Variants in SCAPER observed in about 807,000 individuals in gnomAD.
SCAPER encodes the protein S-phase cyclin A associated protein in the ER.
In SCAPER, 98 loss-of-function variants were observed where a neutral mutation model predicts 182.2. That is an observed-to-expected ratio of 0.54 (90% CI 0.46 to 0.64). SCAPER has a LOEUF of 0.64. Among genes scored for constraint, SCAPER ranks in the 30% least tolerant of loss-of-function variants. The pLI, the probability that SCAPER is intolerant of heterozygous loss-of-function variation, is 0.00. For missense variants in SCAPER, 1,432 were observed against 1,690.0 expected (o/e 0.85, Z 2.68); for synonymous variants, 605 against 564.6 (o/e 1.07, Z -1.01).
intron 21 of SCAPER, among the ~76,000 whole-genome samples, chr15:76,642,562 C>T (rs1318945334): frequency 6.6e-6 from 1 of 152,000 alleles, no homozygotes; most frequent in East Asian, 1.9e-4. Flanking sequence ...CACTTCATAC[C>T]TGGATCAGTA....
At chr15:76,763,753 T>A (rs1398982295) in intron 14 of SCAPER, among the ~76,000 whole-genome samples, 1 of 152,208 alleles carries the variant, frequency 6.6e-6, no homozygotes, top group Non-Finnish European at 1.5e-5. Flanking sequence ...TGAAGCTCTC[T>A]ACTGCATTTT....
chr15:76,720,339 T>C (rs1410227031), intron 17 of SCAPER, among the ~76,000 whole-genome samples: 1 of 152,240 alleles, frequency 6.6e-6, no homozygotes, highest in African/African-American at 2.4e-5. Flanking sequence ...TGTTGGACAT[T>C]TGGGTTGGTT....
chr15:76,495,287 G>C (rs2040379971), intron 24 of SCAPER, among the ~76,000 whole-genome samples: 1 of 152,130 alleles, frequency 6.6e-6, no homozygotes, highest in Admixed American at 6.5e-5. Flanking sequence ...AGGAATAAGA[G>C]ATGATGCAGA....
At chr15:76,522,691 T>A (rs2042923696) in intron 23 of SCAPER, among the ~76,000 whole-genome samples, 1 of 151,992 alleles carries the variant, frequency 6.6e-6, no homozygotes, top group South Asian at 2.1e-4. Context: ...ACGACTAAGG[T>A]GTAGAATTTC....
intron 5 of SCAPER, among the ~76,000 whole-genome samples, chr15:76,815,277 GA>G (rs1175763045): frequency 6.6e-6 from 1 of 152,096 alleles, no homozygotes; most frequent in Non-Finnish European, 1.5e-5. Context: ...CAAAGAAAAT[GA>G]AATCAGCACC....
intron 5 of SCAPER, among the ~76,000 whole-genome samples, chr15:76,807,519 TTTTA>T (rs1275280016): frequency 6.6e-6 from 1 of 152,082 alleles, no homozygotes; most frequent in Non-Finnish European, 1.5e-5. Context: ...TATTTATTTT[TTTTA>T]TTTTTTATTT....
At chr15:76,396,507 G>A (rs932284897) in intron 27 of SCAPER, among the ~76,000 whole-genome samples, 3 of 152,068 alleles carry the variant, frequency 2.0e-5, no homozygotes, top group African/African-American at 7.2e-5. Flanking sequence ...TTTCATCAAT[G>A]TTTTATAGTT....
chr15:76,351,497 C>A (rs942830603), intron 30 of SCAPER, among the ~76,000 whole-genome samples: 1 of 152,176 alleles, frequency 6.6e-6, no homozygotes, highest in African/African-American at 2.4e-5. Flanking sequence ...CACCAGGGGA[C>A]AACTTGCTGC....
intron 1 of SCAPER, among the ~76,000 whole-genome samples, chr15:76,899,222 T>C (rs1313726905): frequency 6.6e-6 from 1 of 152,226 alleles, no homozygotes; most frequent in Non-Finnish European, 1.5e-5. Context: ...TGGACTGTAC[T>C]GCCATGATCT....
intron 5 of SCAPER, among the ~76,000 whole-genome samples, chr15:76,808,178 A>G (rs1048343320): frequency 5.9e-5 from 9 of 152,192 alleles, no homozygotes; most frequent in Non-Finnish European, 1.3e-4. Context: ...CTCCACAGAA[A>G]GGGTTTGTCT....
At chr15:76,473,508 TCTGA>T (rs1449495907) in intron 24 of SCAPER, among the ~76,000 whole-genome samples, 1 of 152,244 alleles carries the variant, frequency 6.6e-6, no homozygotes, top group African/African-American at 2.4e-5. Context: ...TTTTGGCCTG[TCTGA>T]CTAAATCTCC....
chr15:76,748,476 A>G (rs916725986), intron 15 of SCAPER, among the ~76,000 whole-genome samples: 1 of 152,058 alleles, frequency 6.6e-6, no homozygotes, highest in South Asian at 2.1e-4. Flanking sequence ...ACCAAAAACT[A>G]AGCAACAAAA....
At chr15:76,401,158 TATATC>T (rs762063578) in intron 27 of SCAPER, among the ~76,000 whole-genome samples, 3 of 152,140 alleles carry the variant, frequency 2.0e-5, no homozygotes, top group African/African-American at 7.2e-5. Context: ...ATGATAATCT[TATATC>T]ATATATAACA....
chr15:76,824,209 G>A (rs1312901286), intron 5 of SCAPER, among the ~76,000 whole-genome samples: 1 of 152,216 alleles, frequency 6.6e-6, no homozygotes, highest in Admixed American at 6.5e-5. Flanking sequence ...AACAAAAGTG[G>A]CTCTGAAAGT....
At chr15:76,637,926 T>C (rs1183849970) in intron 21 of SCAPER, among the ~76,000 whole-genome samples, 2 of 151,896 alleles carry the variant, frequency 1.3e-5, no homozygotes, top group Non-Finnish European at 2.9e-5. Context: ...CATTTGTATG[T>C]CTTCTTTGGA....
intron 2 of SCAPER, among the ~76,000 whole-genome samples, chr15:76,882,943 C>T (rs2073650639): frequency 6.6e-6 from 1 of 152,082 alleles, no homozygotes; most frequent in South Asian, 2.1e-4. Flanking sequence ...GGATTACAGG[C>T]GTGAGCCACC....
At chr15:76,700,753 G>A (rs143715053) in intron 20 of SCAPER, among the ~76,000 whole-genome samples, 70 of 152,262 alleles carry the variant, frequency 4.6e-4, no homozygotes, top group African/African-American at 1.6e-3. Context: ...ACACAGGAGG[G>A]CACTGACATA....
intron 24 of SCAPER, among the ~76,000 whole-genome samples, chr15:76,473,977 A>T (rs550740250): frequency 6.6e-6 from 1 of 151,790 alleles, no homozygotes; most frequent in African/African-American, 2.4e-5. Context: ...ACACCCATCA[A>T]ATTTTTATGT....
At chr15:76,723,243 G>C (rs1307261774) in intron 17 of SCAPER, among the ~76,000 whole-genome samples, 1 of 152,140 alleles carries the variant, frequency 6.6e-6, no homozygotes, top group Non-Finnish European at 1.5e-5. Flanking sequence ...GCAGTTTTGA[G>C]TGAGTTTCTT....
Sources: gnomAD v4.1 joint callset for allele counts (sites outside exome capture counted in the v4.1 genomes callset) on GRCh38, gnomAD v4.1.1 for gene constraint, MANE v1.5 for transcripts, NCBI Gene and HGNC (gene_info 2026-07-23, HGNC 2026-07-21) for gene names.